Variants in BRAF observed in about 807,000 individuals in gnomAD.
BRAF encodes the protein serine/threonine-protein kinase B-raf.
Under a neutral mutation model 104.6 loss-of-function variants are expected in BRAF, and 16 were observed. The ratio of observed to expected loss-of-function variants is 0.15; its 90% CI spans 0.10 to 0.23. The LOEUF is 0.23. Ranked by LOEUF, BRAF falls within the 10% of genes least tolerant of loss-of-function variation. The probability of loss-of-function intolerance (pLI) is 1.00; values close to 1 mark genes in which losing one functional copy is unlikely to be tolerated. For missense variants in BRAF, 541 were observed against 937.3 expected, an observed-to-expected ratio of 0.58 and a Z score of 5.52; for synonymous variants, 310 against 341.6, an observed-to-expected ratio of 0.91 and a Z score of 1.02.
intron 1 of BRAF, among the ~76,000 whole-genome samples, chr7:140,905,884 C>T (rs943925123): frequency 4.8e-4 from 73 of 150,960 alleles, no homozygotes; most frequent in Non-Finnish European, 8.1e-4. Flanking sequence ...GTCAGGAGAT[C>T]GAGACCATCC....
At chr7:140,912,145 C>T (rs894267639) in intron 1 of BRAF, among the ~76,000 whole-genome samples, 1 of 152,074 alleles carries the variant, frequency 6.6e-6, no homozygotes, top group East Asian at 1.9e-4. Context: ...AGAGTGAGAC[C>T]CCCATCTCTT....
intron 1 of BRAF, among the ~76,000 whole-genome samples, chr7:140,870,644 A>C (rs1342586954): frequency 2.2e-5 from 3 of 139,436 alleles, no homozygotes; most frequent in Non-Finnish European, 3.0e-5. Flanking sequence ...AAAAAAAAAA[A>C]AAACCTAGTC....
chr7:140,734,621 T>A lies in BRAF; in HGVS notation c.2397A>T (p.Gly799=), dbSNP rs1796226290. ...TTCAGTGGACAGGAAACGCACCATA[T>A]CCCCCTGCCTGGATGGGTGTTTTTG... ...ASPKTPIQAG[G]YGEFAAFK is the part of the protein sequence containing the mutation. The change falls in exon 19 of 20, where the codon GGA becomes GGT. Residue 799 remains glycine, a synonymous_variant. Transcript: ENST00000644969. 1.9e-6 allele frequency: 3 copies of A among 1,613,508 alleles called. No individual in the cohort carries two copies. The highest frequency in any genetic ancestry group is 1.3e-5 in the African/African-American group (1 of 74,738).
At chr7:140,890,806 C>T (rs1814133733) in intron 1 of BRAF, among the ~76,000 whole-genome samples, 2 of 152,084 alleles carry the variant, frequency 1.3e-5, no homozygotes, top group African/African-American at 2.4e-5. Flanking sequence ...AGCTGTCACC[C>T]ATATCTGAGC....
rs369635503 is a variant in BRAF, at chr7:140,778,094, T to C, written c.1553-19A>G. 3,208 of 1,611,406 alleles carry C rather than the reference T, an allele frequency of 2.0e-3. 7 individuals carry two copies. Among genetic ancestry groups the C allele is most frequent in the Non-Finnish European group, 2.6e-3 (3,030 of 1,178,128 alleles). ...ACATCACCTAAAAGGCAATTGTTAC[T>C]CCAAGTGTCATTTCAATTTTTAAAA... On this transcript the variant is annotated intron_variant, in intron 12 of 19. Coordinates refer to ENST00000644969, the MANE Select transcript of BRAF (RefSeq NM_001374258.1).
chr7:140,762,800 G>A (rs2129007097), intron 14 of BRAF, among the ~76,000 whole-genome samples: 1 of 152,178 alleles, frequency 6.6e-6, no homozygotes, highest in South Asian at 2.1e-4. Flanking sequence ...TTAGGGAGTG[G>A]TGATGACTCT....
At position 140,721,764 on chromosome 7, in the gene BRAF, G is replaced by T; in HGVS notation, c.*4730C>A. ...TGGTGAGGAATGAAACAAGATACAA[G>T]AACCACAGCATGGAATATGTTTTCT... is the stretch of plus-strand genomic sequence containing the variant. On this transcript the variant is annotated 3_prime_UTR_variant, in exon 20 of 20. Transcript: ENST00000644969. 6.7e-7 allele frequency: 1 copy of T among 1,485,390 alleles called. No homozygotes were observed. Among genetic ancestry groups the T allele is most frequent in the Non-Finnish European group, 8.9e-7 (1 of 1,122,234 alleles). 92.0% of individuals were successfully genotyped at this position (1,485,390 alleles called of 1,614,324 possible).
intron 3 of BRAF, among the ~76,000 whole-genome samples, chr7:140,828,684 A>G (rs1305846441): frequency 1.3e-5 from 2 of 152,146 alleles, no homozygotes; most frequent in East Asian, 1.9e-4. Context: ...TACTGATGAC[A>G]TTCTATATTT....
In BRAF at chr7:140,725,892, A is replaced by C; in HGVS notation, c.*602T>G. The C allele has an allele frequency of 2.8e-6, 3 of 1,062,642 alleles. No homozygotes were observed. The highest frequency in any genetic ancestry group is 3.4e-6 in the Non-Finnish European group (3 of 877,686). 65.8% of individuals were successfully genotyped at this position (1,062,642 alleles called of 1,614,324 possible). A position where few individuals can be genotyped will look rare whatever the true frequency, so the allele number is the denominator to read the frequency against. ...CCTCCATACCAAGACACATCTACTC[A>C]CCACTCAGCCTCCATTTAAATAAAA... On this transcript the variant is annotated 3_prime_UTR_variant, in exon 20 of 20. Transcript: ENST00000644969.
At chr7:140,765,849 G>A (rs1028392616) in intron 14 of BRAF, among the ~76,000 whole-genome samples, 500 of 150,706 alleles carry the variant, frequency 3.3e-3, no homozygotes, top group Non-Finnish European at 5.9e-3. Context: ...TACACTGTTG[G>A]TGGGACTGTA....
chr7:140,902,606 C>A (rs1258008688), intron 1 of BRAF, among the ~76,000 whole-genome samples: 2 of 152,138 alleles, frequency 1.3e-5, no homozygotes, highest in Non-Finnish European at 2.9e-5. Context: ...AAGGAAACTA[C>A]AAGCACTACT....
Position 140,777,985 on chromosome 7 carries a change from G to A in BRAF, c.1637+6C>T, listed in dbSNP as rs2129019459. On this transcript the variant is annotated splice_donor_region_variant and intron_variant, in intron 13 of 19. Transcript: ENST00000644969. ...CTCTGGAAAAGAGTAATTCACACAA[G>A]CTCACCTGAGTACTCCTACTTCATT... The A allele has an allele frequency of 1.2e-6, 2 of 1,612,726 alleles. No homozygotes were observed. The highest frequency in any genetic ancestry group is 1.3e-5 in the African/African-American group (1 of 74,964).
At chr7:140,771,914 T>C (rs1799878815) in intron 14 of BRAF, among the ~76,000 whole-genome samples, 1 of 152,016 alleles carries the variant, frequency 6.6e-6, no homozygotes. Context: ...TAAGAAGCAA[T>C]ATTAATTATC....
chr7:140,890,535 T>C (rs1814102267), intron 1 of BRAF, among the ~76,000 whole-genome samples: 1 of 152,202 alleles, frequency 6.6e-6, no homozygotes, highest in East Asian at 1.9e-4. Flanking sequence ...TTCACTGTTC[T>C]TCAATGATTT....
chr7:140,790,832 T>C lies in BRAF; in HGVS notation c.1141-3248A>G, dbSNP rs1309007615. 3.3e-5 allele frequency among the ~76,000 whole-genome samples: 5 copies of C among 152,290 alleles called. No homozygotes were observed. The East Asian group carries it at 7.7e-4, about 24-fold the overall frequency. The stretch of plus-strand genomic sequence containing the variant: ...TAAAAACAATTGTCCCTTGGCTGGG[T>C]GCAGTGGCTCACGCCTGTAATCCCA... On this transcript the variant is annotated intron_variant, in intron 8 of 19. Transcript: ENST00000644969.
At position 140,726,159 on chromosome 7, in the gene BRAF, A is replaced by C. The variant is rs1795586540; in HGVS notation, c.*335T>G. The C allele has an allele frequency of 8.8e-7, 1 of 1,139,504 alleles. No individual in the cohort carries two copies. Among genetic ancestry groups the C allele is most frequent in the Non-Finnish European group, 1.1e-6 (1 of 928,190 alleles). 70.6% of individuals were successfully genotyped at this position (1,139,504 alleles called of 1,614,324 possible). ...AGTTGACTGGCAGACTTTCCATAGC[A>C]AATCTCCCAAGCTGTAGCAGCAGTT... On this transcript the variant is annotated 3_prime_UTR_variant, in exon 20 of 20. Transcript: ENST00000644969.
intron 5 of BRAF, among the ~76,000 whole-genome samples, chr7:140,804,667 C>T (rs1321236395): frequency 6.6e-6 from 1 of 151,916 alleles, no homozygotes; most frequent in Non-Finnish European, 1.5e-5. Context: ...CATTATGACT[C>T]CATATATAAC....
At chr7:140,794,276 T>G in intron 8 of BRAF, 32 bp downstream of exon 8, 2 of 1,611,876 alleles carry the variant, frequency 1.2e-6, no homozygotes, top group Non-Finnish European at 1.7e-6. Flanking sequence ...ATACTTGGTT[T>G]TTTTTTAGTT....
intron 14 of BRAF, among the ~76,000 whole-genome samples, chr7:140,768,277 G>A (rs921007798): frequency 1.3e-5 from 2 of 151,860 alleles, no homozygotes; most frequent in African/African-American, 2.4e-5. Flanking sequence ...TAAAAAAACT[G>A]CAGTAGCAAA....
Sources: gnomAD v4.1 joint callset for allele counts (sites outside exome capture counted in the v4.1 genomes callset) on GRCh38, gnomAD v4.1.1 for gene constraint, MANE v1.5 for transcripts, NCBI Gene and HGNC (gene_info 2026-07-23, HGNC 2026-07-21) for gene names.